DACH1: variants seen among roughly 807,000 people sequenced by gnomAD.
The protein encoded by DACH1 is dachshund homolog 1.
Under a neutral mutation model 54.2 loss-of-function variants are expected in DACH1, and 12 were observed. The ratio of observed to expected loss-of-function variants is 0.22; its 90% confidence interval spans 0.14 to 0.36. DACH1 has a LOEUF of 0.36. Ranked by LOEUF, DACH1 falls within the 10% of genes least tolerant of loss-of-function variation. The pLI is 1.00. For missense variants in DACH1, 805 were observed against 929.8 expected, an observed-to-expected ratio of 0.87 and a Z score of 1.75; for synonymous variants, 386 against 366.2, an observed-to-expected ratio of 1.05 and a Z score of -0.62.
intron 6 of DACH1, among the ~76,000 whole-genome samples, chr13:71,490,213 T>C (rs925383395): frequency 6.6e-6 from 1 of 152,208 alleles, no homozygotes; most frequent in African/African-American, 2.4e-5. Context: ...ACACTTGCCT[T>C]ATGCTTATAA....
chr13:71,562,710 A>C (rs1257275403), intron 4 of DACH1, among the ~76,000 whole-genome samples: 1 of 152,154 alleles, frequency 6.6e-6, no homozygotes, highest in Non-Finnish European at 1.5e-5. Flanking sequence ...CATGTATATG[A>C]CTTAAAAGAG....
At chr13:71,788,171 A>G (rs934183119) in intron 1 of DACH1, among the ~76,000 whole-genome samples, 2 of 152,212 alleles carry the variant, frequency 1.3e-5, no homozygotes, top group Non-Finnish European at 2.9e-5. Context: ...GCCAGAATCA[A>G]ATAGGCAATG....
intron 6 of DACH1, among the ~76,000 whole-genome samples, chr13:71,542,348 T>C (rs929507552): frequency 6.6e-6 from 1 of 152,094 alleles, no homozygotes; most frequent in African/African-American, 2.4e-5. Context: ...AAAAAGTACA[T>C]TGTGGTTCAG....
Position 71,795,950 on chromosome 13 carries a change from G to A in DACH1, c.848+69972C>T, listed in dbSNP as rs953178278. Among the ~76,000 whole-genome samples, 9 of 152,166 alleles carry A rather than the reference G, an allele frequency of 5.9e-5. No individual in the cohort carries two copies. In the South Asian group the frequency reaches 6.2e-4, roughly 11 times the overall value. ...AAGAAGAAATTGGGCTAATCTTTAC[G>A]AAAAATATATCTAAGAGAGCGTTAT... On this transcript the variant is annotated intron_variant, in intron 1 of 10. Transcript: ENST00000613252.
chr13:71,722,011 A>C (rs2137886860), intron 1 of DACH1, among the ~76,000 whole-genome samples: 1 of 152,286 alleles, frequency 6.6e-6, no homozygotes, highest in East Asian at 1.9e-4. Flanking sequence ...TATACCATTA[A>C]ATTATTTTTA....
intron 1 of DACH1, among the ~76,000 whole-genome samples, chr13:71,685,201 G>T (rs534355966): frequency 6.6e-6 from 1 of 152,240 alleles, no homozygotes; most frequent in African/African-American, 2.4e-5. Flanking sequence ...GAATAGACCC[G>T]GTGGGCTCCT....
intron 10 of DACH1, among the ~76,000 whole-genome samples, chr13:71,457,012 C>G (rs1337602730): frequency 6.6e-6 from 1 of 151,984 alleles, no homozygotes; most frequent in Non-Finnish European, 1.5e-5. Context: ...TTTGGTATAA[C>G]CTACACTTTC....
chr13:71,582,891 A>G (rs1872948919), intron 3 of DACH1, among the ~76,000 whole-genome samples: 1 of 152,206 alleles, frequency 6.6e-6, no homozygotes, highest in South Asian at 2.1e-4. Flanking sequence ...CAGCAGCAAT[A>G]CAGATAATTT....
At chr13:71,719,366 T>C in intron 1 of DACH1, among the ~76,000 whole-genome samples, 1 of 152,178 alleles carries the variant, frequency 6.6e-6, no homozygotes, top group Non-Finnish European at 1.5e-5. Context: ...TGTCTTACTG[T>C]AGCATGTACC....
intron 7 of DACH1, among the ~76,000 whole-genome samples, chr13:71,485,003 C>T (rs1878361571): frequency 6.6e-6 from 1 of 151,784 alleles, no homozygotes; most frequent in South Asian, 2.1e-4. Flanking sequence ...TTGCAGTGAG[C>T]CCAGATGGTG....
chr13:71,839,225 G>GA (rs1314522792), intron 1 of DACH1, among the ~76,000 whole-genome samples: 3 of 152,046 alleles, frequency 2.0e-5, no homozygotes, highest in Non-Finnish European at 4.4e-5. Flanking sequence ...AAGACAGAGA[G>GA]AAAAAATCAG....
chr13:71,686,628 C>A (rs1466079461), intron 1 of DACH1, among the ~76,000 whole-genome samples: 1 of 152,194 alleles, frequency 6.6e-6, no homozygotes. Context: ...AATATCCAAT[C>A]TTCTTTGTGG....
intron 3 of DACH1, among the ~76,000 whole-genome samples, chr13:71,578,746 T>C (rs748555917): frequency 3.9e-5 from 6 of 152,112 alleles, no homozygotes; most frequent in Non-Finnish European, 4.4e-5. Flanking sequence ...GTTTTAAGTG[T>C]AGTGGTTTAG....
At chr13:71,555,161 T>C (rs2138370632) in intron 6 of DACH1, among the ~76,000 whole-genome samples, 1 of 152,226 alleles carries the variant, frequency 6.6e-6, no homozygotes, top group East Asian at 1.9e-4. Flanking sequence ...GTAAATAGTA[T>C]GTAAGGGAAA....
intron 1 of DACH1, among the ~76,000 whole-genome samples, chr13:71,744,550 A>G (rs1884529568): frequency 6.6e-6 from 1 of 152,164 alleles, no homozygotes; most frequent in Non-Finnish European, 1.5e-5. Flanking sequence ...AGGAACCAGG[A>G]ACAAACAGAC....
At chr13:71,605,775 C>A (rs772889939) in intron 3 of DACH1, among the ~76,000 whole-genome samples, 2 of 151,760 alleles carry the variant, frequency 1.3e-5, no homozygotes, top group Non-Finnish European at 2.9e-5. Context: ...CATGCAGAGT[C>A]TAGAAAATAT....
chr13:71,840,673 A>G (rs1050669516), intron 1 of DACH1, among the ~76,000 whole-genome samples: 1 of 152,348 alleles, frequency 6.6e-6, no homozygotes, highest in Admixed American at 6.5e-5. Flanking sequence ...CAAAGTTAAG[A>G]TAAAGAATAA....
At chr13:71,755,961 A>G (rs1885129261) in intron 1 of DACH1, among the ~76,000 whole-genome samples, 1 of 152,206 alleles carries the variant, frequency 6.6e-6, no homozygotes, top group African/African-American at 2.4e-5. Context: ...AATGTTAAAT[A>G]TTAAAGTAAT....
chr13:71,634,757 G>A (rs1319784930), intron 2 of DACH1, among the ~76,000 whole-genome samples: 1 of 152,116 alleles, frequency 6.6e-6, no homozygotes, highest in Non-Finnish European at 1.5e-5. Flanking sequence ...GCCATCCCTA[G>A]CTGTGCATCA....
Sources: allele counts gnomAD v4.1 joint callset (sites outside exome capture counted in the v4.1 genomes callset), GRCh38; gene constraint gnomAD v4.1.1; transcripts MANE v1.5; gene names NCBI Gene and HGNC (gene_info 2026-07-23, HGNC 2026-07-21).